Variants in TMEM135 observed in about 807,000 individuals in gnomAD.
TMEM135 encodes peroxisomal membrane protein 52.
Under a neutral mutation model 60.3 loss-of-function variants are expected in TMEM135, and 30 were observed. The ratio of observed to expected loss-of-function variants is 0.50; its 90% CI spans 0.37 to 0.68. The LOEUF is 0.68. TMEM135 is among the 30% of genes least tolerant of loss of function. The pLI, the probability that TMEM135 is intolerant of heterozygous loss-of-function variation, is 0.00. For missense variants in TMEM135, 468 were observed against 548.8 expected (o/e 0.85, Z 1.47); for synonymous variants, 190 against 186.7 (o/e 1.02, Z -0.14).
chr11:87,322,149 T>G lies in TMEM135; in HGVS notation c.*816T>G, dbSNP rs552176538. On this transcript the variant is annotated 3_prime_UTR_variant, in exon 15 of 15. Transcript: ENST00000305494. The stretch of plus-strand genomic sequence containing the variant: ...ACAAAACTTTTAAACTTCCTATAGG[T>G]TTATGATGTTTGTTTTCATTTATAT... 2.2e-6 allele frequency: 1 copy of G among 454,284 alleles called. No homozygotes were observed. The highest frequency in any genetic ancestry group is 1.6e-5 in the South Asian group (1 of 64,442). The allele number at this position is 454,284 out of a possible 1,614,324, so 28.1% of individuals were successfully genotyped here.
intron 5 of TMEM135, among the ~76,000 whole-genome samples, chr11:87,165,700 T>C (rs374035069): frequency 6.6e-6 from 1 of 151,300 alleles, no homozygotes; most frequent in East Asian, 1.9e-4. Flanking sequence ...CAAGAGCAAA[T>C]ACATTCAAAA....
chr11:87,192,729 G>A (rs1286237058), intron 5 of TMEM135, among the ~76,000 whole-genome samples: 2 of 152,034 alleles, frequency 1.3e-5, no homozygotes, highest in Non-Finnish European at 2.9e-5. Flanking sequence ...GTTTATAAAG[G>A]CTGGTACAAA....
At chr11:87,040,279 C>T (rs967413688) in intron 1 of TMEM135, among the ~76,000 whole-genome samples, 1 of 152,280 alleles carries the variant, frequency 6.6e-6, no homozygotes, top group African/African-American at 2.4e-5. Flanking sequence ...TATAGCTGTT[C>T]TCTTTGTGAG....
intron 6 of TMEM135, among the ~76,000 whole-genome samples, chr11:87,276,630 TAA>T (rs1400555441): frequency 6.6e-6 from 1 of 151,526 alleles, no homozygotes; most frequent in Non-Finnish European, 1.5e-5. Context: ...TTTATATTCA[TAA>T]GTTATACAAA....
At chr11:87,215,772 G>C (rs1940486494) in intron 5 of TMEM135, among the ~76,000 whole-genome samples, 1 of 152,192 alleles carries the variant, frequency 6.6e-6, no homozygotes, top group South Asian at 2.1e-4. Context: ...GGCCAACTTT[G>C]TAAACAGTGT....
At chr11:87,277,158 G>A (rs1390880815) in intron 6 of TMEM135, 1 of 173,022 alleles carries the variant, frequency 5.8e-6, no homozygotes, top group East Asian at 1.9e-4. Flanking sequence ...TTGAGACCGA[G>A]TCTCGCTTTG....
rs1274412739 is a variant in TMEM135, at chr11:87,327,349, A to G, written c.*6016A>G. 4.4e-6 allele frequency: 2 copies of G among 453,754 alleles called. No homozygotes were observed. Among genetic ancestry groups the G allele is most frequent in the African/African-American group, 4.0e-5 (2 of 49,922 alleles). 28.1% of individuals were successfully genotyped at this position (453,754 alleles called of 1,614,324 possible). On this transcript the variant is annotated 3_prime_UTR_variant, in exon 15 of 15. Coordinates refer to ENST00000305494, the MANE Select transcript of TMEM135 (RefSeq NM_022918.4). ...TGAAATGAAAAGTACAAACATGAAA[A>G]ACCAGCATATTAAAGATGCCAGGTC...
chr11:87,256,993 A>C (rs572762548), intron 6 of TMEM135, among the ~76,000 whole-genome samples: 1 of 152,284 alleles, frequency 6.6e-6, no homozygotes, highest in African/African-American at 2.4e-5. Context: ...TATGTAGGCT[A>C]TATGATTATA....
intron 4 of TMEM135, among the ~76,000 whole-genome samples, chr11:87,114,480 C>T (rs1347105652): frequency 1.3e-5 from 2 of 151,956 alleles, no homozygotes; most frequent in Admixed American, 6.6e-5. Context: ...GGTGATAGTC[C>T]AAATATGAAA....
chr11:87,084,656 G>A (rs564680849), intron 3 of TMEM135, among the ~76,000 whole-genome samples: 60 of 152,212 alleles, frequency 3.9e-4, no homozygotes, highest in Non-Finnish European at 6.6e-4. Context: ...GTTGTATGCC[G>A]CAACTTTGAG....
At chr11:87,071,144 C>T (rs1301612815) in intron 2 of TMEM135, among the ~76,000 whole-genome samples, 1 of 152,100 alleles carries the variant, frequency 6.6e-6, no homozygotes, top group African/African-American at 2.4e-5. Flanking sequence ...TTACTGTAGC[C>T]GCCTTAATGA....
chr11:87,114,987 T>C (rs1483803833), intron 4 of TMEM135, among the ~76,000 whole-genome samples: 2 of 152,218 alleles, frequency 1.3e-5, no homozygotes, highest in Admixed American at 1.3e-4. Flanking sequence ...ATAGTTACCA[T>C]TATTGATCAT....
chr11:87,043,722 AAAAC>A (rs144953900), intron 1 of TMEM135, among the ~76,000 whole-genome samples: 7,675 of 151,902 alleles, frequency 0.051, 664 homozygotes, highest in African/African-American at 0.17. Context: ...ACTCTGTCTC[AAAAC>A]AAACAAACAA....
At chr11:87,068,166 G>A (rs550454716) in intron 2 of TMEM135, among the ~76,000 whole-genome samples, 1 of 152,252 alleles carries the variant, frequency 6.6e-6, no homozygotes, top group South Asian at 2.1e-4. Flanking sequence ...CTATGACATG[G>A]GTTAGGGCCA....
intron 5 of TMEM135, among the ~76,000 whole-genome samples, chr11:87,218,095 G>T (rs1940540631): frequency 6.6e-6 from 1 of 152,094 alleles, no homozygotes; most frequent in Admixed American, 6.6e-5. Context: ...CATTGGTGGG[G>T]ATGGCAGAGG....
intron 12 of TMEM135, among the ~76,000 whole-genome samples, chr11:87,316,400 GTAAAGAAT>G (rs1282138218): frequency 6.6e-6 from 1 of 151,764 alleles, no homozygotes; most frequent in Non-Finnish European, 1.5e-5. Flanking sequence ...AAAAGCTGGG[GTAAAGAAT>G]TTGTTTTTTT....
intron 5 of TMEM135, among the ~76,000 whole-genome samples, chr11:87,196,174 T>C (rs1939951904): frequency 6.6e-6 from 1 of 152,174 alleles, no homozygotes; most frequent in African/African-American, 2.4e-5. Context: ...TGGAACAATA[T>C]TTGTGACAGA....
chr11:87,063,545 C>T (rs1379556610), intron 1 of TMEM135, among the ~76,000 whole-genome samples: 1 of 152,172 alleles, frequency 6.6e-6, no homozygotes, highest in African/African-American at 2.4e-5. Flanking sequence ...TTAGTGCTTC[C>T]TAACCTTTTT....
chr11:87,224,340 A>G (rs1188370884), intron 5 of TMEM135, among the ~76,000 whole-genome samples: 2 of 152,224 alleles, frequency 1.3e-5, no homozygotes, highest in East Asian at 1.9e-4. Context: ...AGTGAGTGCT[A>G]TCTTATTGGC....
Sources: allele counts gnomAD v4.1 joint callset (sites outside exome capture counted in the v4.1 genomes callset), GRCh38; gene constraint gnomAD v4.1.1; transcripts MANE v1.5; gene names NCBI Gene and HGNC (gene_info 2026-07-23, HGNC 2026-07-21).